The following PIK3C2G variants were observed in gnomAD, a reference collection of about 807,000 sequenced individuals.
PIK3C2G encodes phosphatidylinositol-4-phosphate 3-kinase catalytic subunit type 2 gamma.
In PIK3C2G, 168 loss-of-function variants were observed where a neutral mutation model predicts 181.1. That is an observed-to-expected ratio of 0.93 (90% CI 0.82 to 1.05). The LOEUF (loss-of-function observed/expected upper bound fraction) is 1.05, where lower values mean the gene tolerates loss of function less well. Ranked by LOEUF, PIK3C2G falls within the 50% of genes least tolerant of loss-of-function variation. The probability of loss-of-function intolerance (pLI) is 0.00; values close to 1 mark genes in which losing one functional copy is unlikely to be tolerated. For synonymous variants in PIK3C2G, 573 were observed against 592.2 expected (o/e 0.97, Z 0.47); for missense variants, 1,869 against 1,732.8 (o/e 1.08, Z -1.40).
intron 18 of PIK3C2G, among the ~76,000 whole-genome samples, chr12:18,443,694 C>T (rs1946869864): frequency 6.6e-6 from 1 of 152,072 alleles, no homozygotes; most frequent in African/African-American, 2.4e-5. Flanking sequence ...AAAAGTGATA[C>T]CATGATAATA....
At chr12:18,570,336 G>GATATAGATAGATACATCTATATCTGTA (rs1555132238) in intron 29 of PIK3C2G, among the ~76,000 whole-genome samples, 15 of 150,928 alleles carry the variant, frequency 9.9e-5, no homozygotes, top group African/African-American at 2.9e-4. Flanking sequence ...AGCCTCCCCA[G>GATATAGATAGATACATCTATATCTGTA]TAGCTGGGAT....
At chr12:18,489,435 T>C (rs981348778) in intron 19 of PIK3C2G, among the ~76,000 whole-genome samples, 4 of 152,088 alleles carry the variant, frequency 2.6e-5, no homozygotes, top group African/African-American at 9.7e-5. Context: ...CAAAATGATA[T>C]AAAAATAGTA....
chr12:18,275,058 T>TCTGAGTTCCTGCATGTTTC (rs1948924887), intron 1 of PIK3C2G, among the ~76,000 whole-genome samples: 1 of 152,350 alleles, frequency 6.6e-6, no homozygotes, highest in South Asian at 2.1e-4. Context: ...AACAATATTT[T>TCTGAGTTCCTGCATGTTTC]CTGAGTTCCT....
At chr12:18,674,879 C>G in the PIK3C2G span, among the ~76,000 whole-genome samples, 1 of 152,082 alleles carries the variant, frequency 6.6e-6, no homozygotes, top group Non-Finnish European at 1.5e-5. Flanking sequence ...GTGAAGAACC[C>G]TGGGATGAAA....
At chr12:18,700,538 A>T in the PIK3C2G span, among the ~76,000 whole-genome samples, 2 of 135,982 alleles carry the variant, frequency 1.5e-5, no homozygotes, top group Non-Finnish European at 3.1e-5. Flanking sequence ...AAAAAAAAAT[A>T]GTTGCTCTGC....
At chr12:18,670,249 A>G in the PIK3C2G span, among the ~76,000 whole-genome samples, 2 of 152,134 alleles carry the variant, frequency 1.3e-5, no homozygotes, top group Non-Finnish European at 1.5e-5. Context: ...TTGTTTTATC[A>G]GATTGCTACA....
chr12:18,530,933 T>C (rs946753807), intron 24 of PIK3C2G, among the ~76,000 whole-genome samples: 2 of 152,158 alleles, frequency 1.3e-5, no homozygotes, highest in Non-Finnish European at 1.5e-5. Flanking sequence ...CGGGTATTTC[T>C]TTATAGCAGT....
chr12:18,430,208 A>G (rs1946075644), intron 18 of PIK3C2G, among the ~76,000 whole-genome samples: 1 of 152,206 alleles, frequency 6.6e-6, no homozygotes, highest in Non-Finnish European at 1.5e-5. Context: ...CTGGAGCATC[A>G]GTATGCTATG....
rs866683358 is a variant in PIK3C2G at position 18,496,081 on chromosome 12, C to T, written c.2813C>T (p.Ser938Phe). Reference protein sequence around the residue: ...IDHDACSYFTSNALPLKITFI... With the variant: ...IDHDACSYFTFNALPLKITFI... ...CTATAGGCATGTTCATATTTTACAT[C>T]TAATGCTTTGCCATTGAAGATTACT... The change falls in exon 21 of 33, where the codon TCT (serine) becomes TTT (phenylalanine). Residue 938 changes from serine (S) to phenylalanine (F), a missense_variant. By Grantham distance (155) the Ser-to-Phe change is radical. Transcript: ENST00000538779. 1 of 1,528,300 alleles carries T rather than the reference C, an allele frequency of 6.5e-7. No homozygotes were observed. 94.7% of individuals were successfully genotyped at this position (1,528,300 alleles called of 1,614,324 possible). A position where few individuals can be genotyped will look rare whatever the true frequency, so the allele number is the denominator to read the frequency against.
At position 18,313,770 on chromosome 12, in the gene PIK3C2G, C is replaced by A. The variant is rs80253468; in HGVS notation, c.1035-192C>A. Among the ~76,000 whole-genome samples the A allele has an allele frequency of 8.0e-3, 1,216 of 151,312 alleles. 10 individuals carry two copies. Among genetic ancestry groups the A allele is most frequent in the Middle Eastern group, 0.024 (7 of 294 alleles). On this transcript the variant is annotated intron_variant, in intron 5 of 32. Transcript: ENST00000538779. ...TATCTATATTTCCTGTCATATTATT[C>A]ATTTATACACAAAAATATGTAATGC...
intron 29 of PIK3C2G, among the ~76,000 whole-genome samples, chr12:18,593,650 G>C (rs1947202746): frequency 6.6e-6 from 1 of 151,848 alleles, no homozygotes; most frequent in African/African-American, 2.4e-5. Flanking sequence ...TGGTCATATA[G>C]TAGCTTCCAA....
chr12:18,243,612 C>T (rs1484771467), upstream of PIK3C2G, among the ~76,000 whole-genome samples: 1 of 151,860 alleles, frequency 6.6e-6, no homozygotes. Flanking sequence ...CCTGAAGAAA[C>T]AAGTGGTGAG....
chr12:18,559,801 TATATATATATATATATATATAGAG>T (rs1190930923), intron 26 of PIK3C2G, among the ~76,000 whole-genome samples: 653 of 53,786 alleles, frequency 0.012, 2 homozygotes, highest in Non-Finnish European at 0.017. Context: ...TATATATATA[TATATATATATATATATATATAGAG>T]AGAGAGAGAG....
intron 16 of PIK3C2G, among the ~76,000 whole-genome samples, chr12:18,411,337 A>G (rs1944859707): frequency 6.6e-6 from 1 of 152,162 alleles, no homozygotes; most frequent in East Asian, 1.9e-4. Context: ...TGGTGTTGGG[A>G]AAACTGCTTA....
At chr12:18,268,910 CTT>C (rs1042187710) in intron 1 of PIK3C2G, among the ~76,000 whole-genome samples, 3 of 151,808 alleles carry the variant, frequency 2.0e-5, no homozygotes, top group African/African-American at 7.3e-5. Context: ...TCAGTCAAAA[CTT>C]AGATTTCTTT....
chr12:18,265,686 T>C lies in PIK3C2G; in HGVS notation c.-79+4109T>C, dbSNP rs1367946548. On this transcript the variant is annotated intron_variant, in intron 1 of 32. Transcript: ENST00000538779. ...AATATATTTGGTAATACTTTTAACT[T>C]TGCTTTAATTTTTTTATGTGTTTCT... Among the ~76,000 whole-genome samples the C allele has an allele frequency of 2.0e-5, 3 of 152,046 alleles. No homozygotes were observed. The South Asian group carries it at 6.2e-4, about 31-fold the overall frequency.
At chr12:18,700,031 T>G in the PIK3C2G span, 43 of 1,115,090 alleles carry the variant, frequency 3.9e-5, no homozygotes, top group Non-Finnish European at 2.6e-5. Context: ...AAAATACACT[T>G]TCAAACAAAT....
rs1939083208 is a variant in PIK3C2G at position 18,477,125 on chromosome 12, T to C, written c.2505-11324T>C. On this transcript the variant is annotated intron_variant, in intron 18 of 32. Transcript: ENST00000538779. ...GTGCTCTCCTGCTCTCTCCCACTGC[T>C]CATAAGGACGCCAGCCCTATGGGAT... 2.6e-5 allele frequency among the ~76,000 whole-genome samples: 4 copies of C among 152,180 alleles called. No individual in the cohort carries two copies. The South Asian group carries it at 8.3e-4, about 32-fold the overall frequency.
chr12:18,404,249 G>A (rs946836411), intron 16 of PIK3C2G, among the ~76,000 whole-genome samples: 5 of 152,088 alleles, frequency 3.3e-5, no homozygotes, highest in Non-Finnish European at 7.4e-5. Flanking sequence ...ATGGCATAGG[G>A]AGGCAGTTAA....
Sources: gnomAD v4.1 joint callset for allele counts (sites outside exome capture counted in the v4.1 genomes callset) on GRCh38, gnomAD v4.1.1 for gene constraint, MANE v1.5 for transcripts, NCBI Gene and HGNC (gene_info 2026-07-23, HGNC 2026-07-21) for gene names.